The following ADAMTSL3 variants were observed in gnomAD, a reference collection of about 807,000 sequenced individuals.
ADAMTSL3 encodes the protein ADAMTS like 3.
A neutral mutation model predicts 201.7 loss-of-function variants in ADAMTSL3; 128 were observed. The observed-to-expected ratio is 0.63, with a 90% CI of 0.55 to 0.73. ADAMTSL3 has a LOEUF of 0.73. Among genes scored for constraint, ADAMTSL3 ranks in the 30% least tolerant of loss-of-function variants. The pLI is 0.00. For synonymous variants in ADAMTSL3, 738 were observed against 748.4 expected (o/e 0.99, Z 0.23); for missense variants, 1,990 against 2,119.6 (o/e 0.94, Z 1.20).
chr15:84,012,899 G>T (rs756157997), intron 23 of ADAMTSL3, among the ~76,000 whole-genome samples: 1 of 152,142 alleles, frequency 6.6e-6, no homozygotes, highest in South Asian at 2.1e-4. Context: ...TTTCACAGAC[G>T]ACACAGTTGA....
chr15:83,748,649 C>CAAAA (rs71156097), intron 3 of ADAMTSL3, among the ~76,000 whole-genome samples: 77 of 70,450 alleles, frequency 1.1e-3, no homozygotes, highest in African/African-American at 1.4e-3. Flanking sequence ...GACCCTGTCT[C>CAAAA]AAAAAAAAAA....
At position 83,870,066 on chromosome 15, in the gene ADAMTSL3, C is replaced by T. The variant is rs1199971329; in HGVS notation, c.803-736C>T. Among the ~76,000 whole-genome samples, 3 of 152,192 alleles carry T rather than the reference C, an allele frequency of 2.0e-5. No homozygotes were observed. In the South Asian group the frequency reaches 6.2e-4, roughly 32 times the overall value. On this transcript the variant is annotated intron_variant, in intron 8 of 29. Coordinates refer to ENST00000286744, the MANE Select transcript of ADAMTSL3 (RefSeq NM_207517.3). ...AAGTACAAATGTTTTTTTGTTTAAA[C>T]TGTGATAAGCAAACTTTTTTTCTGT...
At chr15:83,922,517 C>T (rs2066165869) in intron 16 of ADAMTSL3, among the ~76,000 whole-genome samples, 1 of 152,100 alleles carries the variant, frequency 6.6e-6, no homozygotes, top group Non-Finnish European at 1.5e-5. Context: ...AGAAAATGAA[C>T]ACTTAAACCT....
intron 19 of ADAMTSL3, among the ~76,000 whole-genome samples, chr15:83,952,268 A>C (rs2066771770): frequency 6.6e-6 from 1 of 152,082 alleles, no homozygotes; most frequent in South Asian, 2.1e-4. Context: ...CATTTTCCAA[A>C]ATTTCTCTTG....
chr15:84,028,930 G>C (rs1173058070), intron 27 of ADAMTSL3, among the ~76,000 whole-genome samples: 1 of 152,156 alleles, frequency 6.6e-6, no homozygotes, highest in Admixed American at 6.5e-5. Flanking sequence ...TCTCCTTCCT[G>C]CTGCCTTGTG....
chr15:83,954,152 AC>A (rs2066808825), intron 19 of ADAMTSL3, among the ~76,000 whole-genome samples: 1 of 152,112 alleles, frequency 6.6e-6, no homozygotes, highest in Non-Finnish European at 1.5e-5. Context: ...CCCCTTTAAG[AC>A]TAATAACTCT....
chr15:83,795,563 TA>T (rs1255652097), intron 4 of ADAMTSL3, among the ~76,000 whole-genome samples: 1 of 152,050 alleles, frequency 6.6e-6, no homozygotes, highest in Non-Finnish European at 1.5e-5. Context: ...ACAGAAGGAC[TA>T]GGGGGAAAAT....
At chr15:83,686,419 G>A (rs2061536967) in intron 2 of ADAMTSL3, among the ~76,000 whole-genome samples, 1 of 152,146 alleles carries the variant, frequency 6.6e-6, no homozygotes, top group African/African-American at 2.4e-5. Flanking sequence ...TGGAAGAAAT[G>A]GAAGAAACTT....
chr15:83,673,130 C>G (rs376848998), intron 2 of ADAMTSL3, among the ~76,000 whole-genome samples: 14 of 152,230 alleles, frequency 9.2e-5, no homozygotes, highest in African/African-American at 2.4e-4. Flanking sequence ...AGGCGCTGTT[C>G]AGGCCCTGTT....
chr15:83,971,819 G>A, intron 20 of ADAMTSL3, among the ~76,000 whole-genome samples: 1 of 148,864 alleles, frequency 6.7e-6, no homozygotes, highest in African/African-American at 2.5e-5. Context: ...GTTTGGTAAG[G>A]AAAAAAATTA....
intron 3 of ADAMTSL3, among the ~76,000 whole-genome samples, chr15:83,764,835 T>C (rs569129368): frequency 6.6e-6 from 1 of 152,200 alleles, no homozygotes; most frequent in African/African-American, 2.4e-5. Context: ...ATGAAAAATG[T>C]TGTGTGCTCA....
At chr15:83,967,255 GAC>G (rs1330543848) in intron 19 of ADAMTSL3, among the ~76,000 whole-genome samples, 1 of 152,200 alleles carries the variant, frequency 6.6e-6, no homozygotes, top group African/African-American at 2.4e-5. Context: ...GTTTGCAGAT[GAC>G]ATAATTATAT....
At position 84,036,116 on chromosome 15, in the gene ADAMTSL3, A is replaced by G. The variant is rs181717487; in HGVS notation, c.4755-657A>G. On this transcript the variant is annotated intron_variant, in intron 28 of 29. Coordinates refer to ENST00000286744, the MANE Select transcript of ADAMTSL3 (RefSeq NM_207517.3). ...GCCCTGCCTTAGGGAACAAGGGCAG[A>G]TACCCCAAAGTGGGCCCACTAAGTT... Among the ~76,000 whole-genome samples, 430 of 152,296 alleles carry G rather than the reference A, an allele frequency of 2.8e-3. 3 individuals carry two copies. Among genetic ancestry groups the G allele is most frequent in the African/African-American group, 9.4e-3 (390 of 41,552 alleles).
intron 2 of ADAMTSL3, among the ~76,000 whole-genome samples, chr15:83,687,413 C>G (rs2061552435): frequency 6.6e-6 from 1 of 152,178 alleles, no homozygotes; most frequent in Non-Finnish European, 1.5e-5. Context: ...TCAATTCAGA[C>G]TAGCTGCATT....
In ADAMTSL3 at chr15:83,701,596, C is replaced by G. The variant is rs115252424; in HGVS notation, c.70-2793C>G. On this transcript the variant is annotated intron_variant, in intron 2 of 29. Coordinates refer to ENST00000286744, the MANE Select transcript of ADAMTSL3 (RefSeq NM_207517.3). The stretch of plus-strand genomic sequence containing the variant: ...AATCATGGGGGAGGTATCCCCCATA[C>G]TGTTCTCATGGCAGTGAATAAGTCT... Among the ~76,000 whole-genome samples, 899 of 152,358 alleles carry G rather than the reference C, an allele frequency of 5.9e-3. 13 individuals are homozygous for G. The highest frequency in any genetic ancestry group is 0.02 in the African/African-American group (835 of 41,574).
intron 20 of ADAMTSL3, among the ~76,000 whole-genome samples, chr15:83,976,390 A>G (rs1310386081): frequency 6.6e-6 from 1 of 152,174 alleles, no homozygotes; most frequent in Non-Finnish European, 1.5e-5. Context: ...GACCAGTTTC[A>G]TGGAAGACAG....
At chr15:83,862,827 A>G (rs2064894230) in intron 8 of ADAMTSL3, 1 of 152,230 alleles carries the variant, frequency 6.6e-6, no homozygotes, top group Non-Finnish European at 1.5e-5. Context: ...AGACTGGCAA[A>G]TTGGATAAAG....
intron 7 of ADAMTSL3, among the ~76,000 whole-genome samples, chr15:83,846,031 A>G (rs185592301): frequency 6.6e-6 from 1 of 152,274 alleles, no homozygotes; most frequent in African/African-American, 2.4e-5. Flanking sequence ...CAGCATCCCT[A>G]TGGAAGCAGT....
intron 3 of ADAMTSL3, among the ~76,000 whole-genome samples, chr15:83,770,661 C>A (rs570373287): frequency 2.0e-5 from 3 of 152,230 alleles, no homozygotes; most frequent in African/African-American, 4.8e-5. Context: ...CAAGATTAAT[C>A]TATTAATCTA....
Sources: allele counts gnomAD v4.1 joint callset (sites outside exome capture counted in the v4.1 genomes callset), GRCh38; gene constraint gnomAD v4.1.1; transcripts MANE v1.5; gene names NCBI Gene and HGNC (gene_info 2026-07-23, HGNC 2026-07-21).